EIF3L: variants seen among roughly 807,000 people sequenced by gnomAD.
The protein encoded by EIF3L is eIEF associated protein HSPC021.
EIF3L carries 32 observed loss-of-function variants against 74.6 expected under a neutral mutation model. That is an observed-to-expected ratio of 0.43 (90% CI 0.32 to 0.58). The LOEUF (loss-of-function observed/expected upper bound fraction) is 0.58. EIF3L is among the 20% of genes least tolerant of loss of function. The pLI is 0.06. For synonymous variants in EIF3L, 256 were observed against 254.4 expected, an observed-to-expected ratio of 1.01 and a Z score of -0.06; for missense variants, 474 against 707.8, an observed-to-expected ratio of 0.67 and a Z score of 3.75.
chr22:37,864,642 G>C (rs1234910467), intron 7 of EIF3L, among the ~76,000 whole-genome samples: 2 of 151,466 alleles, frequency 1.3e-5, no homozygotes, highest in African/African-American at 4.9e-5. Flanking sequence ...GGGTTCAAGC[G>C]ATTCTCTTGT....
At chr22:37,865,517 C>T (rs1302988454) in intron 7 of EIF3L, among the ~76,000 whole-genome samples, 3 of 152,096 alleles carry the variant, frequency 2.0e-5, no homozygotes, top group Non-Finnish European at 4.4e-5. Flanking sequence ...TCTTTTCCCC[C>T]TTTTTGTGCT....
At chr22:37,886,912 TA>T (rs1216734032) in intron 12 of EIF3L, 67 bp downstream of exon 12, 1 of 1,303,868 alleles carries the variant, frequency 7.7e-7, no homozygotes, top group Admixed American at 2.0e-5. Flanking sequence ...ATCGAGAGTT[TA>T]CTTTTTTTTA....
chr22:37,859,376 T>TTTGTTTTTTTTTTTTTTTTTC (rs1925723759), intron 5 of EIF3L, among the ~76,000 whole-genome samples: 1 of 52,984 alleles, frequency 1.9e-5, no homozygotes, highest in Non-Finnish European at 4.0e-5. Flanking sequence ...TGAAGTTTCT[T>TTTGTTTTTTTTTTTTTTTTTC]TTTTTTTTTT....
chr22:37,872,697 C>T (rs998577842), intron 8 of EIF3L, among the ~76,000 whole-genome samples: 3 of 152,134 alleles, frequency 2.0e-5, no homozygotes, highest in Non-Finnish European at 1.5e-5. Flanking sequence ...TGGCTCACTG[C>T]ATCCTCTACC....
intron 4 of EIF3L, among the ~76,000 whole-genome samples, chr22:37,857,238 C>T (rs1167745200): frequency 1.3e-5 from 2 of 151,560 alleles, no homozygotes; most frequent in African/African-American, 4.8e-5. Flanking sequence ...GGCATGGTGG[C>T]GGGCACCTGT....
chr22:37,856,328 C>T (rs1925503806), intron 4 of EIF3L, among the ~76,000 whole-genome samples: 1 of 152,084 alleles, frequency 6.6e-6, no homozygotes, highest in Non-Finnish European at 1.5e-5. Context: ...TCGCCCACCT[C>T]AGCCTCCCAA....
intron 3 of EIF3L, among the ~76,000 whole-genome samples, chr22:37,853,212 CTG>C (rs1421264443): frequency 3.3e-5 from 5 of 152,286 alleles, no homozygotes; most frequent in East Asian, 1.9e-4. Flanking sequence ...GATGATGAGT[CTG>C]TATCTGTACG....
At chr22:37,875,346 C>T (rs1157406566) in intron 9 of EIF3L, among the ~76,000 whole-genome samples, 1 of 151,654 alleles carries the variant, frequency 6.6e-6, no homozygotes, top group Admixed American at 6.6e-5. Flanking sequence ...CCATTGCACT[C>T]CAGCCTGGGC....
chr22:37,884,566 G>A (rs1333227823), intron 11 of EIF3L: 3 of 152,124 alleles, frequency 2.0e-5, no homozygotes, highest in African/African-American at 7.2e-5. Context: ...TAGCTAGCCC[G>A]ATACAAACAG....
At chr22:37,864,133 T>G (rs958389556) in intron 7 of EIF3L, among the ~76,000 whole-genome samples, 6 of 152,028 alleles carry the variant, frequency 3.9e-5, no homozygotes, top group African/African-American at 1.4e-4. Flanking sequence ...AATAGCTTAC[T>G]GCAGCCTAGA....
chr22:37,854,023 G>A (rs1003618902), intron 3 of EIF3L, among the ~76,000 whole-genome samples: 2 of 152,242 alleles, frequency 1.3e-5, no homozygotes, highest in African/African-American at 4.8e-5. Flanking sequence ...GCATTGGGCA[G>A]TGCCCGCAGA....
In EIF3L at chr22:37,861,251, G is replaced by A. The variant is rs190104757; in HGVS notation, c.436-1718G>A. 2.2e-3 allele frequency among the ~76,000 whole-genome samples: 338 copies of A among 152,128 alleles called. 1 individual carries two copies. The highest frequency in any genetic ancestry group is 4.8e-3 in the Admixed American group (73 of 15,262). On this transcript the variant is annotated intron_variant, in intron 5 of 12. Transcript: ENST00000652021. ...CTCACCCCTCTTCTCCTTGAGGACC[G>A]CTTGATATGGCTAGAACTCCTGCCT...
At position 37,874,474 on chromosome 22, in the gene EIF3L, G is replaced by C; in HGVS notation, c.856G>C (p.Asp286His). ...GLLRLHSLLG[D>H]YYQAIKVLEN... Reference sequence around the variant, plus strand: ...TCTCCGCCTGCACTCCCTGTTAGGAGATTACTACCAGGCCATCAAGGTGCT... The same window carrying C: ...TCTCCGCCTGCACTCCCTGTTAGGACATTACTACCAGGCCATCAAGGTGCT... Residue 286 changes from aspartate (D) to histidine (H), a missense_variant, in exon 9 of 13, where the codon GAT becomes CAT. Coordinates refer to ENST00000652021, the MANE Select transcript of EIF3L (RefSeq NM_016091.4). 6.2e-7 allele frequency: 1 copy of C among 1,614,176 alleles called. No individual in the cohort carries two copies. Among genetic ancestry groups the C allele is most frequent in the Non-Finnish European group, 8.5e-7 (1 of 1,180,020 alleles).
At position 37,852,863 on chromosome 22, in the gene EIF3L, GAA is replaced by G. The variant is rs1925300983; in HGVS notation, c.293+1375_293+1376del. The stretch of plus-strand genomic sequence containing the variant: ...CTGGGGGTTAGTTAGTGAGGAGAGA[GAA>G]AGGGAGAAAACCTTGTTCGGAGGTT... On this transcript the variant is annotated intron_variant, in intron 3 of 12. Transcript: ENST00000652021. 2.6e-5 allele frequency among the ~76,000 whole-genome samples: 4 copies of G among 152,158 alleles called. No individual in the cohort carries two copies. In the South Asian group the frequency reaches 8.3e-4, roughly 32 times the overall value.
chr22:37,856,838 C>G (rs1331069254), intron 4 of EIF3L, among the ~76,000 whole-genome samples: 1 of 149,740 alleles, frequency 6.7e-6, no homozygotes, highest in Non-Finnish European at 1.5e-5. Context: ...GAGCGAAACT[C>G]CGCCTCAAAA....
Position 37,877,937 on chromosome 22 carries a change from T to C in EIF3L, c.1341T>C (p.Phe447=), listed in dbSNP as rs776743295. The change falls in exon 11 of 13, where the codon TTT becomes TTC. Residue 447 remains phenylalanine, a synonymous_variant. Coordinates refer to ENST00000652021, the MANE Select transcript of EIF3L (RefSeq NM_016091.4). ...KEPFLQQLKV[F]SDEVQQQAQL... Reference sequence around the variant, plus strand: ...CCTTCCTGCAGCAGCTGAAGGTGTTTTCTGATGAAGTACAGCAGCAGGCCC... The same window carrying C: ...CCTTCCTGCAGCAGCTGAAGGTGTTCTCTGATGAAGTACAGCAGCAGGCCC... The C allele has an allele frequency of 1.1e-5, 17 of 1,612,466 alleles. No homozygotes were observed. The highest frequency in any genetic ancestry group is 2.0e-4 in the Middle Eastern group (1 of 4,966).
At chr22:37,856,625 A>G (rs1386618542) in intron 4 of EIF3L, among the ~76,000 whole-genome samples, 1 of 151,966 alleles carries the variant, frequency 6.6e-6, no homozygotes, top group Non-Finnish European at 1.5e-5. Flanking sequence ...CGGGTGGATC[A>G]CCTGAGGTCG....
intron 7 of EIF3L, among the ~76,000 whole-genome samples, chr22:37,865,292 C>T (rs1275221780): frequency 6.6e-6 from 1 of 151,434 alleles, no homozygotes; most frequent in African/African-American, 2.4e-5. Context: ...GGTGAAACCC[C>T]ATCTCTACTA....
intron 3 of EIF3L, among the ~76,000 whole-genome samples, chr22:37,855,020 TGAG>T (rs1174020483): frequency 1.2e-4 from 18 of 152,206 alleles, no homozygotes; most frequent in African/African-American, 4.1e-4. Flanking sequence ...GGGTGGGGCT[TGAG>T]GAGATTGGAG....
Sources: allele counts gnomAD v4.1 joint callset (sites outside exome capture counted in the v4.1 genomes callset), GRCh38; gene constraint gnomAD v4.1.1; transcripts MANE v1.5; gene names NCBI Gene and HGNC (gene_info 2026-07-23, HGNC 2026-07-21).